The following TNFAIP8L1 variants were observed in gnomAD, a reference collection of about 807,000 sequenced individuals.
TNFAIP8L1 encodes TNF alpha induced protein 8 like 1, also known as tumor necrosis factor alpha-induced protein 8-like protein 1.
For synonymous variants in TNFAIP8L1, 127 were observed against 125.6 expected (o/e 1.01, Z -0.08); for missense variants, 225 against 266.1 (o/e 0.85, Z 1.08).
chr19:4,652,398 C>A lies in TNFAIP8L1; in HGVS notation c.529C>A (p.Leu177Met). The A allele has an allele frequency of 6.5e-7, 1 of 1,543,626 alleles. No homozygotes were observed. The highest frequency in any genetic ancestry group is 8.7e-7 in the Non-Finnish European group (1 of 1,145,002). ...CCACCTGCGCAGGATCTGCGAGGGC[C>A]TGGGCCGGATGCTGGACGAGGGCAG... ...RSHLRRICEG[L>M]GRMLDEGSL The change falls in exon 2 of 2, where the codon CTG becomes ATG. Residue 177 changes from leucine to methionine, a missense_variant. Transcript: ENST00000327473.
At position 4,652,469 on chromosome 19, in the gene TNFAIP8L1, G is replaced by A; in HGVS notation, c.*39G>A. 4 of 1,469,364 alleles carry A rather than the reference G, an allele frequency of 2.7e-6. No homozygotes were observed. The highest frequency in any genetic ancestry group is 3.6e-6 in the Non-Finnish European group (4 of 1,107,150). 91.0% of individuals were successfully genotyped at this position (1,469,364 alleles called of 1,614,324 possible). A position where few individuals can be genotyped will look rare whatever the true frequency, so the allele number is the denominator to read the frequency against. The stretch of plus-strand genomic sequence containing the variant: ...CCAACCGCGCCCCTCGCGCCTTTTG[G>A]GGCTCTCCTGCTGGGCGCGGGTGGG... On this transcript the variant is annotated 3_prime_UTR_variant, in exon 2 of 2. Transcript: ENST00000327473.
intron 1 of TNFAIP8L1, among the ~76,000 whole-genome samples, chr19:4,646,130 C>G (rs1015882290): frequency 6.6e-6 from 1 of 151,962 alleles, no homozygotes; most frequent in African/African-American, 2.4e-5. Context: ...GTTACCGGCA[C>G]CTCCTCCTTC....
chr19:4,644,309 G>A (rs2088289789), intron 1 of TNFAIP8L1, among the ~76,000 whole-genome samples: 3 of 152,012 alleles, frequency 2.0e-5, no homozygotes, highest in African/African-American at 4.8e-5. Context: ...GGAGGTCAAG[G>A]CGGGAGGATC....
chr19:4,646,797 A>G (rs2145168626), intron 1 of TNFAIP8L1, among the ~76,000 whole-genome samples: 1 of 152,036 alleles, frequency 6.6e-6, no homozygotes, highest in East Asian at 1.9e-4. Context: ...CGCCCCGCTA[A>G]TTTTTTGTAT....
intron 1 of TNFAIP8L1, among the ~76,000 whole-genome samples, chr19:4,649,891 A>G (rs966409556): frequency 2.0e-5 from 3 of 152,154 alleles, no homozygotes; most frequent in African/African-American, 4.8e-5. Flanking sequence ...CTTCTCCCGG[A>G]GTCTGAACTC....
chr19:4,643,448 T>C (rs1330141706), intron 1 of TNFAIP8L1, among the ~76,000 whole-genome samples: 1 of 152,164 alleles, frequency 6.6e-6, no homozygotes, highest in Non-Finnish European at 1.5e-5. Context: ...AATTCATGTT[T>C]GGCCCTCGAA....
intron 1 of TNFAIP8L1, among the ~76,000 whole-genome samples, chr19:4,646,723 C>T (rs1367632730): frequency 2.0e-5 from 3 of 151,904 alleles, no homozygotes; most frequent in Non-Finnish European, 4.4e-5. Context: ...CTCCGCCTCC[C>T]GGGTTCACGC....
Position 4,655,405 on chromosome 19 carries a change from C to T in TNFAIP8L1, c.*2975C>T, listed in dbSNP as rs1033170047. ...ATGGATCCTGATTTTCTCACGAAGT[C>T]CCGATGGAACCCTGTGCTGTTGAGA... On this transcript the variant is annotated 3_prime_UTR_variant, in exon 2 of 2. Coordinates refer to ENST00000327473, the MANE Select transcript of TNFAIP8L1 (RefSeq NM_152362.3). The T allele has an allele frequency of 6.6e-6, 1 of 152,340 alleles. No homozygotes were observed. Among genetic ancestry groups the T allele is most frequent in the East Asian group, 1.9e-4 (1 of 5,190 alleles). The allele number at this position is 152,340 out of a possible 1,614,324, so 9.4% of individuals were successfully genotyped here.
In TNFAIP8L1 at chr19:4,654,619, A is replaced by G. The variant is rs2088405991; in HGVS notation, c.*2189A>G. 6.6e-6 allele frequency: 1 copy of G among 152,192 alleles called. No homozygotes were observed. The highest frequency in any genetic ancestry group is 2.4e-5 in the African/African-American group (1 of 41,440). 9.4% of individuals were successfully genotyped at this position (152,192 alleles called of 1,614,324 possible). On this transcript the variant is annotated 3_prime_UTR_variant, in exon 2 of 2. Transcript: ENST00000327473. The stretch of plus-strand genomic sequence containing the variant: ...GGCCTCACAAAGTGTGCACATTGTA[A>G]TATCGTGATTTCATATTTGGAGAAT...
chr19:4,639,954 GGC>G (rs1159971534), intron 1 of TNFAIP8L1: 1 of 153,090 alleles, frequency 6.5e-6, no homozygotes, highest in East Asian at 1.9e-4. Flanking sequence ...GGGCATTCCA[GGC>G]GGTGGGCAGC....
rs577976981 is a variant in TNFAIP8L1 at position 4,641,223 on chromosome 19, G to A, written c.-4+1594G>A. ...CAGGTGGGTGAGGGGTCTTTTGATT[G>A]CTTGACAATTCAGTATGGTGGGTTC... On this transcript the variant is annotated intron_variant, in intron 1 of 1. Transcript: ENST00000327473. This position sits in a 1 kb window ranked among gnomAD's most constrained non-coding sequence, Gnocchi z 4.6. 1 of 152,398 alleles carries A rather than the reference G, an allele frequency of 6.6e-6. No individual in the cohort carries two copies. Among genetic ancestry groups the A allele is most frequent in the African/African-American group, 2.4e-5 (1 of 41,572 alleles). 9.4% of individuals were successfully genotyped at this position (152,398 alleles called of 1,614,324 possible).
chr19:4,653,993 T>C lies in TNFAIP8L1; in HGVS notation c.*1563T>C, dbSNP rs913143376. ...CAGACATGCATGCAAGGAAGGCCAA[T>C]GATGCCGGCCACCACCAGGAGCTGG... On this transcript the variant is annotated 3_prime_UTR_variant, in exon 2 of 2. Transcript: ENST00000327473. 6.6e-6 allele frequency: 1 copy of C among 151,996 alleles called. No homozygotes were observed. The highest frequency in any genetic ancestry group is 2.4e-5 in the African/African-American group (1 of 41,360). The allele number at this position is 151,996 out of a possible 1,614,324, so 9.4% of individuals were successfully genotyped here.
In TNFAIP8L1 at chr19:4,654,676, A is replaced by G. The variant is rs1417813863; in HGVS notation, c.*2246A>G. 6.6e-6 allele frequency: 1 copy of G among 152,200 alleles called. No homozygotes were observed. The highest frequency in any genetic ancestry group is 2.4e-5 in the African/African-American group (1 of 41,448). The allele number at this position is 152,200 out of a possible 1,614,324, so 9.4% of individuals were successfully genotyped here. ...CCAACCAGCCAACCATGTTGCTTTT[A>G]TAAGACAGAGCTGAGAAAGCAAAGC... On this transcript the variant is annotated 3_prime_UTR_variant, in exon 2 of 2. Transcript: ENST00000327473.
chr19:4,647,328 T>C (rs2088321143), intron 1 of TNFAIP8L1, among the ~76,000 whole-genome samples: 2 of 152,088 alleles, frequency 1.3e-5, no homozygotes, highest in African/African-American at 4.8e-5. Flanking sequence ...TGTTTTTTGT[T>C]TTTTGTGACG....
At chr19:4,650,027 G>A (rs542626916) in intron 1 of TNFAIP8L1, among the ~76,000 whole-genome samples, 21 of 152,314 alleles carry the variant, frequency 1.4e-4, no homozygotes, top group African/African-American at 4.3e-4. Context: ...GAGAGAGACC[G>A]GGGGCGGGTC....
intron 1 of TNFAIP8L1, among the ~76,000 whole-genome samples, chr19:4,643,581 G>A (rs559309034): frequency 6.6e-6 from 1 of 152,246 alleles, no homozygotes; most frequent in African/African-American, 2.4e-5. Flanking sequence ...AACCCAGTTT[G>A]AGAACAACTG....
chr19:4,648,227 G>A (rs2088329849), intron 1 of TNFAIP8L1, among the ~76,000 whole-genome samples: 1 of 152,258 alleles, frequency 6.6e-6, no homozygotes, highest in Non-Finnish European at 1.5e-5. Flanking sequence ...GGCTGTGTGT[G>A]TTTGTGACGA....
intron 1 of TNFAIP8L1, among the ~76,000 whole-genome samples, chr19:4,650,852 C>T (rs753362481): frequency 2.6e-5 from 4 of 152,074 alleles, no homozygotes; most frequent in African/African-American, 7.2e-5. Flanking sequence ...GGTGTGGTGG[C>T]GGGCGCCTGT....
chr19:4,642,956 G>T (rs929257377), intron 1 of TNFAIP8L1, among the ~76,000 whole-genome samples: 10 of 152,066 alleles, frequency 6.6e-5, no homozygotes, highest in African/African-American at 2.4e-4. Flanking sequence ...GGGACGAGGG[G>T]ACCAGGATGG....
Sources: gnomAD v4.1 joint callset for allele counts (sites outside exome capture counted in the v4.1 genomes callset) on GRCh38, gnomAD v4.1.1 for gene constraint, Gnocchi (gnomAD v3.1) non-coding constraint, MANE v1.5 for transcripts, NCBI Gene and HGNC (gene_info 2026-07-23, HGNC 2026-07-21) for gene names.